The following SEMA3C variants were observed in gnomAD, a reference collection of about 807,000 sequenced individuals.
SEMA3C encodes the protein semaphorin-3C.
SEMA3C carries 47 observed loss-of-function variants against 89.4 expected under a neutral mutation model. The ratio of observed to expected loss-of-function variants is 0.53; its 90% CI spans 0.42 to 0.67. The LOEUF (loss-of-function observed/expected upper bound fraction) is 0.67, where lower values mean the gene tolerates loss of function less well. Ranked by LOEUF, SEMA3C falls within the 30% of genes least tolerant of loss-of-function variation. SEMA3C has a pLI of 0.00. For missense variants in SEMA3C, 839 were observed against 929.1 expected, an observed-to-expected ratio of 0.90 and a Z score of 1.26; for synonymous variants, 310 against 320.2, an observed-to-expected ratio of 0.97 and a Z score of 0.34.
chr7:80,880,368 C>A (rs1053475067), intron 2 of SEMA3C, among the ~76,000 whole-genome samples: 1 of 152,158 alleles, frequency 6.6e-6, no homozygotes, highest in Non-Finnish European at 1.5e-5. Flanking sequence ...CACTATAGTA[C>A]AAGTACTTGT....
chr7:80,877,207 A>G (rs1186074347), intron 2 of SEMA3C, among the ~76,000 whole-genome samples: 1 of 152,196 alleles, frequency 6.6e-6, no homozygotes, highest in African/African-American at 2.4e-5. Context: ...ATAATATAGA[A>G]TTACAAAATT....
intron 2 of SEMA3C, among the ~76,000 whole-genome samples, chr7:80,851,670 G>A (rs937572941): frequency 6.6e-6 from 1 of 151,982 alleles, no homozygotes; most frequent in African/African-American, 2.4e-5. Flanking sequence ...TCAGCTGAGA[G>A]GGCATCATTA....
intron 12 of SEMA3C, among the ~76,000 whole-genome samples, chr7:80,785,549 G>C (rs1008261476): frequency 1.3e-5 from 2 of 152,068 alleles, no homozygotes; most frequent in Admixed American, 1.3e-4. Flanking sequence ...GGAAATCCTG[G>C]GACAATGACC....
rs886283360 is a variant in SEMA3C, at chr7:80,822,417, A to T, written c.328-3999T>A. ...TAAATAAAAATAAATAAATAAAAAT[A>T]AAAAAAAAACAGCATGAACAGAAAC... On this transcript the variant is annotated intron_variant, in intron 4 of 17. Transcript: ENST00000265361. Among the ~76,000 whole-genome samples the T allele has an allele frequency of 3.0e-4, 16 of 54,022 alleles. 1 individual carries two copies. The highest frequency in any genetic ancestry group is 5.7e-3 in the Middle Eastern group (1 of 176). The allele number at this position is 54,022 out of a possible 152,430, so 35.4% of individuals were successfully genotyped here.
upstream of SEMA3C, among the ~76,000 whole-genome samples, chr7:80,922,044 T>C (rs1343690037): frequency 3.3e-5 from 5 of 152,212 alleles, no homozygotes; most frequent in Admixed American, 2.0e-4. Flanking sequence ...TATTTAGTCA[T>C]AAAAACTGAT....
At chr7:80,798,045 G>T in intron 11 of SEMA3C, 47 bp downstream of exon 11, 1 of 1,552,446 alleles carries the variant, frequency 6.4e-7, no homozygotes, top group South Asian at 1.2e-5. Flanking sequence ...CCTGTTAAAT[G>T]AGTTTTTATA....
At chr7:80,884,842 G>T (rs918968728) in intron 2 of SEMA3C, among the ~76,000 whole-genome samples, 2 of 152,230 alleles carry the variant, frequency 1.3e-5, no homozygotes, top group African/African-American at 2.4e-5. Flanking sequence ...TCAAAAACCA[G>T]GTTGTGATAA....
intron 2 of SEMA3C, among the ~76,000 whole-genome samples, chr7:80,868,147 T>G (rs1273949940): frequency 6.6e-6 from 1 of 152,222 alleles, no homozygotes; most frequent in African/African-American, 2.4e-5. Flanking sequence ...ACTTCTGGAA[T>G]AGAGTATGGT....
intron 2 of SEMA3C, among the ~76,000 whole-genome samples, chr7:80,845,801 C>T (rs1790375464): frequency 6.6e-6 from 1 of 152,086 alleles, no homozygotes; most frequent in South Asian, 2.1e-4. Context: ...AGGACCCTAC[C>T]CTACAAGGCA....
chr7:80,843,764 A>G (rs1197547790), intron 2 of SEMA3C, among the ~76,000 whole-genome samples: 1 of 152,214 alleles, frequency 6.6e-6, no homozygotes, highest in African/African-American at 2.4e-5. Context: ...TTGTATTGAA[A>G]TATAATGAGT....
intron 2 of SEMA3C, among the ~76,000 whole-genome samples, chr7:80,873,882 T>C (rs1791133434): frequency 6.6e-6 from 1 of 152,204 alleles, no homozygotes; most frequent in Non-Finnish European, 1.5e-5. Flanking sequence ...TTCACTGTGC[T>C]CTGGCCTCTC....
chr7:80,854,278 G>T (rs1790583299), intron 2 of SEMA3C, among the ~76,000 whole-genome samples: 1 of 152,150 alleles, frequency 6.6e-6, no homozygotes, highest in African/African-American at 2.4e-5. Context: ...GAGACATTTA[G>T]ATCAGACTCC....
chr7:80,907,781 T>A (rs1356319669), intron 2 of SEMA3C, among the ~76,000 whole-genome samples: 1 of 152,008 alleles, frequency 6.6e-6, no homozygotes, highest in Non-Finnish European at 1.5e-5. Context: ...CAAGGGGTAA[T>A]TTAAGTCATA....
intron 12 of SEMA3C, among the ~76,000 whole-genome samples, chr7:80,768,382 C>T (rs1788351216): frequency 6.6e-6 from 1 of 152,112 alleles, no homozygotes; most frequent in Non-Finnish European, 1.5e-5. Flanking sequence ...GGCGTGCTGG[C>T]AGGCGCCTGT....
chr7:80,745,099 C>T lies in SEMA3C; in HGVS notation c.2051G>A (p.Arg684Lys). The T allele has an allele frequency of 3.1e-6, 5 of 1,614,004 alleles. No individual in the cohort carries two copies. The highest frequency in any genetic ancestry group is 4.2e-6 in the Non-Finnish European group (5 of 1,179,974). Residue 684 changes from arginine (R) to lysine (K), a missense_variant, in exon 18 of 18, where the codon AGG becomes AAG. Transcript: ENST00000265361. The stretch of plus-strand genomic sequence containing the variant: ...GTCCTTCGGGTGGAAGGGTAAAGCC[C>T]TCACAGAGCTGGCCCAGGTCCATGG... The part of the protein sequence containing the change: ...WSPWTWASSV[R>K]ALPFHPKDIM...
At chr7:80,813,544 A>G (rs1789520756) in intron 5 of SEMA3C, among the ~76,000 whole-genome samples, 1 of 152,248 alleles carries the variant, frequency 6.6e-6, no homozygotes, top group South Asian at 2.1e-4. Context: ...TATCATATTT[A>G]GTAATGTAAT....
chr7:80,863,856 CATATGTATCACATAT>C (rs911697693), intron 2 of SEMA3C, among the ~76,000 whole-genome samples: 8 of 136,736 alleles, frequency 5.9e-5, no homozygotes, highest in African/African-American at 2.0e-4. Context: ...ATATCACATA[CATATGTATCACATAT>C]ATATGTATCA....
At chr7:80,919,906 G>C (rs1036262661), upstream of SEMA3C, among the ~76,000 whole-genome samples, 1 of 152,162 alleles carries the variant, frequency 6.6e-6, no homozygotes, top group Non-Finnish European at 1.5e-5. Context: ...CGACAATCTT[G>C]TTGCACAAGT....
intron 7 of SEMA3C, among the ~76,000 whole-genome samples, chr7:80,804,938 A>C (rs1789302155): frequency 6.6e-6 from 1 of 152,106 alleles, no homozygotes; most frequent in Non-Finnish European, 1.5e-5. Flanking sequence ...AATTTTCTCC[A>C]GGGTGAAATG....
Sources: gnomAD v4.1 joint callset for allele counts (sites outside exome capture counted in the v4.1 genomes callset) on GRCh38, gnomAD v4.1.1 for gene constraint, MANE v1.5 for transcripts, NCBI Gene and HGNC (gene_info 2026-07-23, HGNC 2026-07-21) for gene names.